NFIB: variants seen among roughly 807,000 people sequenced by gnomAD.
NFIB encodes the protein nuclear factor 1 B-type.
A neutral mutation model predicts 61.5 loss-of-function variants in NFIB; 11 were observed. The observed-to-expected ratio is 0.18, with a 90% CI of 0.11 to 0.30. NFIB has a LOEUF of 0.30. Ranked by LOEUF, NFIB falls within the 10% of genes least tolerant of loss-of-function variation. The pLI is 1.00. For missense variants in NFIB, 471 were observed against 608.9 expected (o/e 0.77, Z 2.38); for synonymous variants, 260 against 216.5 (o/e 1.20, Z -1.76).
chr9:14,201,345 C>T (rs2049009402), intron 2 of NFIB, among the ~76,000 whole-genome samples: 1 of 152,148 alleles, frequency 6.6e-6, no homozygotes, highest in Non-Finnish European at 1.5e-5. Context: ...GAAACCATCA[C>T]CCTTTACCCT....
At chr9:14,501,740 T>C in the NFIB span, among the ~76,000 whole-genome samples, 1 of 152,126 alleles carries the variant, frequency 6.6e-6, no homozygotes, top group Admixed American at 6.5e-5. Flanking sequence ...AGGGGTGCAA[T>C]GAGAGCATCA....
chr9:14,118,660 C>G (rs1162365800), intron 8 of NFIB, among the ~76,000 whole-genome samples: 1 of 151,800 alleles, frequency 6.6e-6, no homozygotes, highest in African/African-American at 2.4e-5. Flanking sequence ...AGAGAGATGT[C>G]TTGTCTGAAG....
the NFIB span, among the ~76,000 whole-genome samples, chr9:14,503,256 G>A: frequency 1.3e-5 from 2 of 152,022 alleles, no homozygotes; most frequent in Non-Finnish European, 2.9e-5. Context: ...AAACATGTGT[G>A]TGCAAGTATC....
chr9:14,479,664 CT>C, the NFIB span, among the ~76,000 whole-genome samples: 1 of 152,186 alleles, frequency 6.6e-6, no homozygotes, highest in Non-Finnish European at 1.5e-5. Flanking sequence ...ACTGTCATGT[CT>C]CACTTTCTTC....
At chr9:14,271,578 G>T (rs1435730022) in intron 2 of NFIB, among the ~76,000 whole-genome samples, 1 of 152,064 alleles carries the variant, frequency 6.6e-6, no homozygotes, top group African/African-American at 2.4e-5. Flanking sequence ...AGACTCAGCT[G>T]GACGAAACAC....
intron 2 of NFIB, among the ~76,000 whole-genome samples, chr9:14,244,404 G>T (rs988560463): frequency 1.3e-5 from 2 of 152,188 alleles, no homozygotes; most frequent in African/African-American, 4.8e-5. Flanking sequence ...TTCTGAATCT[G>T]CTGATTAAAT....
the NFIB span, among the ~76,000 whole-genome samples, chr9:14,442,166 G>GCTTAATCACCACCCTCT: frequency 1.3e-5 from 2 of 151,926 alleles, no homozygotes; most frequent in Non-Finnish European, 2.9e-5. Flanking sequence ...GGTCCACCTC[G>GCTTAATCACCACCCTCT]CTTAATCACC....
the NFIB span, among the ~76,000 whole-genome samples, chr9:14,438,029 T>TGC: frequency 7.2e-3 from 924 of 127,978 alleles, 6 homozygotes; most frequent in Middle Eastern, 0.015. Context: ...TGTGTGTGTG[T>TGC]GCGCGTATGT....
intron 3 of NFIB, among the ~76,000 whole-genome samples, chr9:14,165,801 T>C (rs1376050695): frequency 2.0e-5 from 3 of 152,154 alleles, no homozygotes; most frequent in Middle Eastern, 3.4e-3. Flanking sequence ...CTATCTAGGG[T>C]AGTCAAACTC....
intron 2 of NFIB, chr9:14,204,463 G>C (rs1420934793): frequency 6.7e-6 from 7 of 1,050,678 alleles, no homozygotes; most frequent in African/African-American, 6.2e-5. Flanking sequence ...TCCTCTATAA[G>C]CGACTGAAAA....
chr9:14,145,604 A>T (rs2042193367), intron 6 of NFIB, among the ~76,000 whole-genome samples: 1 of 151,116 alleles, frequency 6.6e-6, no homozygotes. Flanking sequence ...CCTCACCAAT[A>T]CACACCCAAG....
At chr9:14,090,375 C>A (rs1384944554) in intron 10 of NFIB, among the ~76,000 whole-genome samples, 1 of 152,114 alleles carries the variant, frequency 6.6e-6, no homozygotes, top group Non-Finnish European at 1.5e-5. Context: ...TTGTGCTTTG[C>A]ACCATTGATT....
At chr9:14,278,497 C>T (rs1263379715) in intron 2 of NFIB, among the ~76,000 whole-genome samples, 1 of 152,168 alleles carries the variant, frequency 6.6e-6, no homozygotes, top group African/African-American at 2.4e-5. Context: ...CAACAGTGTA[C>T]AGAAGGAAGA....
At chr9:14,514,675 G>A in the NFIB span, among the ~76,000 whole-genome samples, 2 of 152,248 alleles carry the variant, frequency 1.3e-5, no homozygotes, top group South Asian at 2.1e-4. Context: ...CTAATCTGGT[G>A]TGTGCTGAAA....
chr9:14,355,940 G>A (rs532560194), intron 1 of NFIB, among the ~76,000 whole-genome samples: 1 of 150,508 alleles, frequency 6.6e-6, no homozygotes, highest in Non-Finnish European at 1.5e-5. Context: ...CTGGGTGACA[G>A]AGCGAGACTC....
chr9:14,272,300 A>C (rs1382870300), intron 2 of NFIB, among the ~76,000 whole-genome samples: 1 of 152,130 alleles, frequency 6.6e-6, no homozygotes, highest in Non-Finnish European at 1.5e-5. Flanking sequence ...ATGCAAGTAA[A>C]TTTTAATAAA....
chr9:14,226,088 A>G (rs1373623202), intron 2 of NFIB, among the ~76,000 whole-genome samples: 2 of 148,862 alleles, frequency 1.3e-5, no homozygotes, highest in South Asian at 2.1e-4. Context: ...CATTTTAAAG[A>G]GCATTTTTTT....
the NFIB span, among the ~76,000 whole-genome samples, chr9:14,477,453 G>T: frequency 6.6e-6 from 1 of 152,072 alleles, no homozygotes; most frequent in Non-Finnish European, 1.5e-5. Flanking sequence ...AATGAGATTG[G>T]CCTAAAAGGA....
At position 14,291,643 on chromosome 9, in the gene NFIB, A is replaced by G. The variant is rs1184994587; in HGVS notation, c.562+15346T>C. Among the ~76,000 whole-genome samples the G allele has an allele frequency of 2.0e-5, 3 of 152,190 alleles. No homozygotes were observed. The East Asian group carries it at 5.8e-4, about 29-fold the overall frequency. On this transcript the variant is annotated intron_variant, in intron 2 of 10. Transcript: ENST00000380953. ...ATATGGATGTTTGTTTTAAACTTAA[A>G]AAAAAATTCTTTAACTGAGATGATA...
Sources: allele counts gnomAD v4.1 joint callset (sites outside exome capture counted in the v4.1 genomes callset), GRCh38; gene constraint gnomAD v4.1.1; transcripts MANE v1.5; gene names NCBI Gene and HGNC (gene_info 2026-07-23, HGNC 2026-07-21).